The following PPP1R1C variants were observed in gnomAD, a reference collection of about 807,000 sequenced individuals.
The protein encoded by PPP1R1C is protein phosphatase 1 regulatory inhibitor subunit 1C, also known as protein phosphatase 1 regulatory subunit 1C.
A neutral mutation model predicts 17.4 loss-of-function variants in PPP1R1C; 15 were observed. The ratio of observed to expected loss-of-function variants is 0.86; its 90% confidence interval spans 0.58 to 1.33. The LOEUF (loss-of-function observed/expected upper bound fraction) is 1.33, where lower values mean the gene tolerates loss of function less well. PPP1R1C is among the 40% of genes most tolerant of loss of function. The pLI is 0.00. For synonymous variants in PPP1R1C, 35 were observed against 43.1 expected, an observed-to-expected ratio of 0.81 and a Z score of 0.73; for missense variants, 143 against 130.0, an observed-to-expected ratio of 1.10 and a Z score of -0.48.
chr2:181,985,654 A>G (rs930512159), upstream of PPP1R1C, among the ~76,000 whole-genome samples: 1 of 152,158 alleles, frequency 6.6e-6, no homozygotes, highest in Non-Finnish European at 1.5e-5. This position sits in a 1 kb window ranked among gnomAD's most constrained non-coding sequence, Gnocchi z 4.1. Context: ...ATGTTCATCA[A>G]TAATGAATGG....
At chr2:181,987,954 A>G in intron 2 of PPP1R1C, 55 bp downstream of exon 2, 3 of 1,441,710 alleles carry the variant, frequency 2.1e-6, no homozygotes, top group Non-Finnish European at 2.9e-6. Flanking sequence ...TTGTTTAAAG[A>G]ACATCAAAGT....
In PPP1R1C at chr2:182,003,538, G is replaced by T. The variant is rs191020891; in HGVS notation, c.142+15639G>T. Among the ~76,000 whole-genome samples the T allele has an allele frequency of 1.2e-3, 179 of 152,086 alleles. 1 individual carries two copies. The highest frequency in any genetic ancestry group is 4.1e-3 in the African/African-American group (172 of 41,500). On this transcript the variant is annotated intron_variant, in intron 2 of 4. Transcript: ENST00000682840. ...AAGAAATATGTTTTCTTGCAGCTCAGAGCTGAAAAAATATCACTAAGTAGA... is the reference window on the plus strand; with the variant it reads ...AAGAAATATGTTTTCTTGCAGCTCATAGCTGAAAAAATATCACTAAGTAGA...
At chr2:182,101,845 T>C (rs1689105161) in intron 4 of PPP1R1C, among the ~76,000 whole-genome samples, 1 of 152,192 alleles carries the variant, frequency 6.6e-6, no homozygotes, top group South Asian at 2.1e-4. Context: ...GGCTGCCCTC[T>C]GGGCCAGTAA....
chr2:182,006,758 G>A (rs1685935766), intron 2 of PPP1R1C, among the ~76,000 whole-genome samples: 1 of 152,154 alleles, frequency 6.6e-6, no homozygotes, highest in Non-Finnish European at 1.5e-5. Context: ...CATTATTGAA[G>A]TATTTGAGTT....
intron 4 of PPP1R1C, among the ~76,000 whole-genome samples, chr2:182,093,732 A>G (rs114852787): frequency 0.045 from 6,862 of 152,258 alleles, 522 homozygotes; most frequent in African/African-American, 0.16. Context: ...CCTTTGCTAA[A>G]ACATAATAAG....
downstream of PPP1R1C, among the ~76,000 whole-genome samples, chr2:182,121,627 G>A (rs1985479): frequency 0.68 from 103,134 of 151,838 alleles, 35,304 homozygotes; most frequent in African/African-American, 0.75. Context: ...AGCTGGGACT[G>A]CAGGTGCCCA....
intron 2 of PPP1R1C, among the ~76,000 whole-genome samples, chr2:182,002,778 C>A (rs1456188269): frequency 6.6e-6 from 1 of 151,802 alleles, no homozygotes; most frequent in African/African-American, 2.4e-5. Flanking sequence ...TATTCTAATA[C>A]CCTCATGAAA....
intron 5 of PPP1R1C, among the ~76,000 whole-genome samples, chr2:182,124,666 A>G (rs543590347): frequency 1.3e-5 from 2 of 152,146 alleles, no homozygotes; most frequent in Admixed American, 1.3e-4. Flanking sequence ...GCAATTGTGA[A>G]TGGGTGTTCA....
chr2:181,973,310 T>C (rs1685043774), intron 1 of PPP1R1C, among the ~76,000 whole-genome samples: 1 of 152,176 alleles, frequency 6.6e-6, no homozygotes. Flanking sequence ...TATTTGTAGA[T>C]ATGAATAAGC....
chr2:182,070,611 C>T (rs888688813), intron 4 of PPP1R1C, among the ~76,000 whole-genome samples: 1 of 152,240 alleles, frequency 6.6e-6, no homozygotes, highest in African/African-American at 2.4e-5. Context: ...TACCCCATAT[C>T]CAGTTTTCCC....
At chr2:182,097,477 C>T (rs1461147686) in intron 4 of PPP1R1C, among the ~76,000 whole-genome samples, 1 of 152,178 alleles carries the variant, frequency 6.6e-6, no homozygotes. Flanking sequence ...CAAACAACCA[C>T]ATACACACCA....
intron 4 of PPP1R1C, among the ~76,000 whole-genome samples, chr2:182,073,424 T>C (rs924658457): frequency 1.3e-5 from 2 of 152,374 alleles, no homozygotes; most frequent in South Asian, 2.1e-4. Context: ...AAATTATAAA[T>C]TCATTCACTG....
intron 2 of PPP1R1C, among the ~76,000 whole-genome samples, chr2:182,006,977 T>A (rs1559053689): frequency 6.6e-6 from 1 of 152,210 alleles, no homozygotes; most frequent in Non-Finnish European, 1.5e-5. Context: ...TTCTCATGTT[T>A]CAGCTATAAA....
At chr2:182,101,593 C>T (rs1259976125) in intron 4 of PPP1R1C, among the ~76,000 whole-genome samples, 1 of 152,188 alleles carries the variant, frequency 6.6e-6, no homozygotes, top group Non-Finnish European at 1.5e-5. Flanking sequence ...GAATAAAAGG[C>T]TGACAACCTG....
chr2:182,083,803 A>T (rs1262191012), intron 4 of PPP1R1C, among the ~76,000 whole-genome samples: 3 of 152,210 alleles, frequency 2.0e-5, no homozygotes, highest in Non-Finnish European at 4.4e-5. Context: ...GCTAGATCAA[A>T]TGATAGATCT....
chr2:182,077,276 A>T (rs180721501), intron 4 of PPP1R1C, among the ~76,000 whole-genome samples: 1 of 149,870 alleles, frequency 6.7e-6, no homozygotes, highest in Admixed American at 6.6e-5. Flanking sequence ...TTGGATTAAG[A>T]TACATTTTGT....
In PPP1R1C at chr2:182,067,017, TCTA is replaced by T. The variant is rs758048532; in HGVS notation, c.241+3229_241+3231del. On this transcript the variant is annotated intron_variant, in intron 4 of 4. Transcript: ENST00000682840. ...GTGTTTTACTGGAATGCAAATGCCT[TCTA>T]CTGAAGAAAGCAAAGTAAGTGCTAT... Among the ~76,000 whole-genome samples the T allele has an allele frequency of 2.7e-4, 41 of 151,886 alleles. No homozygotes were observed. In the Middle Eastern group the frequency reaches 0.01, roughly 38 times the overall value.
intron 2 of PPP1R1C, among the ~76,000 whole-genome samples, chr2:182,002,755 C>A (rs1337319628): frequency 6.6e-6 from 1 of 152,028 alleles, no homozygotes; most frequent in East Asian, 1.9e-4. Flanking sequence ...GCTTTAAAAT[C>A]TCAAAATTTA....
chr2:182,125,500 A>C (rs567250497), intron 5 of PPP1R1C, among the ~76,000 whole-genome samples: 1 of 152,296 alleles, frequency 6.6e-6, no homozygotes, highest in African/African-American at 2.4e-5. Context: ...TACCTCTGGT[A>C]GAATTTGGCT....
Sources: gnomAD v4.1 joint callset for allele counts (sites outside exome capture counted in the v4.1 genomes callset) on GRCh38, gnomAD v4.1.1 for gene constraint, Gnocchi (gnomAD v3.1) non-coding constraint, MANE v1.5 for transcripts, NCBI Gene and HGNC (gene_info 2026-07-23, HGNC 2026-07-21) for gene names.